Variants in CACNA1A observed in about 807,000 individuals in gnomAD.
CACNA1A encodes voltage-dependent P/Q-type calcium channel subunit alpha-1A.
CACNA1A carries 57 observed loss-of-function variants against 262.4 expected under a neutral mutation model. The ratio of observed to expected loss-of-function variants is 0.22; its 90% confidence interval spans 0.18 to 0.27. The LOEUF (loss-of-function observed/expected upper bound fraction) is 0.27, where lower values mean the gene tolerates loss of function less well. CACNA1A is among the 10% of genes least tolerant of loss of function. The pLI is 1.00. For missense variants in CACNA1A, 2,526 were observed against 3,562.8 expected (o/e 0.71, Z 7.41); for synonymous variants, 1,431 against 1,419.3 (o/e 1.01, Z -0.18).
chr19:13,237,884 G>A (rs763541340), intron 31 of CACNA1A, among the ~76,000 whole-genome samples: 27 of 152,180 alleles, frequency 1.8e-4, no homozygotes, highest in Non-Finnish European at 2.4e-4. Context: ...TTCATGGGGC[G>A]GATCATAACA....
At chr19:13,439,957 T>C (rs2060686507) in intron 3 of CACNA1A, among the ~76,000 whole-genome samples, 1 of 152,098 alleles carries the variant, frequency 6.6e-6, no homozygotes, top group South Asian at 2.1e-4. Context: ...TTGAGTTTTT[T>C]ATTAGTTTGT....
Position 13,506,123 on chromosome 19 carries a change from C to A in CACNA1A, c.102G>T (p.Gly34=). ...VVGSGGGRGA[G]GSRQGGQPGA... ...CGGGCTGCCCGCCCTGCCGGCTGCCCCCGGCTCCTCGCCCGCCTCCGCTGC... is the reference window on the plus strand; with the variant it reads ...CGGGCTGCCCGCCCTGCCGGCTGCCACCGGCTCCTCGCCCGCCTCCGCTGC... The change falls in exon 1 of 47, where the codon GGG becomes GGT. Residue 34 remains glycine (G), a synonymous_variant. Coordinates refer to ENST00000360228, the MANE Select transcript of CACNA1A (RefSeq NM_001127222.2). 1.2e-6 allele frequency: 2 copies of A among 1,606,638 alleles called. No individual in the cohort carries two copies. Among genetic ancestry groups the A allele is most frequent in the Non-Finnish European group, 1.7e-6 (2 of 1,176,766 alleles).
intron 30 of CACNA1A, among the ~76,000 whole-genome samples, chr19:13,247,616 C>T (rs1182085890): frequency 2.7e-5 from 4 of 149,478 alleles, no homozygotes; most frequent in South Asian, 2.1e-4. Context: ...AGGAGAATGG[C>T]GTGAACCTGG....
intron 34 of CACNA1A, among the ~76,000 whole-genome samples, chr19:13,232,401 A>G (rs1439808035): frequency 4.6e-5 from 7 of 151,628 alleles, no homozygotes; most frequent in Admixed American, 2.0e-4. Context: ...ATGGGGTTTC[A>G]CTGCATTGCT....
intron 6 of CACNA1A, among the ~76,000 whole-genome samples, chr19:13,350,224 C>CA (rs2058882166): frequency 6.6e-6 from 1 of 152,190 alleles, no homozygotes; most frequent in Admixed American, 6.5e-5. Flanking sequence ...CAGAGCCTCT[C>CA]AACCTCAGTA....
chr19:13,251,131 C>A (rs866834775), intron 30 of CACNA1A, among the ~76,000 whole-genome samples: 228 of 131,418 alleles, frequency 1.7e-3, no homozygotes, highest in South Asian at 2.7e-3. Context: ...GACTGTGTCT[C>A]AAAAAAAAAA....
intron 34 of CACNA1A, among the ~76,000 whole-genome samples, chr19:13,233,581 G>A (rs184375266): frequency 6.6e-6 from 1 of 152,206 alleles, no homozygotes; most frequent in Non-Finnish European, 1.5e-5. Flanking sequence ...TGGAACTCCT[G>A]GGCTCGAGCA....
At chr19:13,403,607 G>A (rs1200446520) in intron 3 of CACNA1A, among the ~76,000 whole-genome samples, 1 of 152,020 alleles carries the variant, frequency 6.6e-6, no homozygotes, top group African/African-American at 2.4e-5. Flanking sequence ...GTGTGGATAG[G>A]GCCAGGCTCA....
chr19:13,276,336 C>T (rs909874618), intron 23 of CACNA1A, among the ~76,000 whole-genome samples: 6 of 152,218 alleles, frequency 3.9e-5, no homozygotes, highest in African/African-American at 1.2e-4. Context: ...ATCCTGTCCC[C>T]GTCATCGCCC....
intron 3 of CACNA1A, among the ~76,000 whole-genome samples, chr19:13,402,060 G>C (rs2059908130): frequency 6.6e-6 from 1 of 152,178 alleles, no homozygotes; most frequent in Admixed American, 6.5e-5. Flanking sequence ...ATTGCAGCTG[G>C]TGTTAACTAA....
At chr19:13,232,314 G>C (rs949108909) in intron 34 of CACNA1A, among the ~76,000 whole-genome samples, 3 of 150,972 alleles carry the variant, frequency 2.0e-5, no homozygotes, top group Non-Finnish European at 1.5e-5. Flanking sequence ...CTCCCGCCTC[G>C]GCCTCCTGAG....
chr19:13,412,666 G>A (rs549773635), intron 3 of CACNA1A, among the ~76,000 whole-genome samples: 4 of 151,752 alleles, frequency 2.6e-5, no homozygotes, highest in East Asian at 1.9e-4. Context: ...CAGTAGAGAC[G>A]GGGTTTCACC....
intron 21 of CACNA1A, 45 bp from the exon 22 acceptor site, chr19:13,283,441 G>A: frequency 6.2e-7 from 1 of 1,611,686 alleles, no homozygotes; most frequent in Non-Finnish European, 8.5e-7. Flanking sequence ...CAGACCACAG[G>A]CTCACAAACC....
intron 6 of CACNA1A, among the ~76,000 whole-genome samples, chr19:13,353,552 T>C (rs2145220828): frequency 6.6e-6 from 1 of 152,290 alleles, no homozygotes; most frequent in South Asian, 2.1e-4. Context: ...ATTTAACTGA[T>C]CTCCTATTGT....
chr19:13,305,932 C>T (rs1330939678), intron 15 of CACNA1A, among the ~76,000 whole-genome samples: 1 of 150,664 alleles, frequency 6.6e-6, no homozygotes, highest in African/African-American at 2.5e-5. Context: ...TGGTAGTATG[C>T]ACCTGTAGTC....
Position 13,390,657 on chromosome 19 carries a change from AT to A in CACNA1A, c.540-18879del, listed in dbSNP as rs931203393. Among the ~76,000 whole-genome samples, 192 of 150,184 alleles carry A rather than the reference AT, an allele frequency of 1.3e-3. 1 individual carries two copies. In the Middle Eastern group the frequency reaches 0.017, roughly 13 times the overall value. On this transcript the variant is annotated intron_variant, in intron 3 of 46. Transcript: ENST00000360228. ...GCAGTTAGAAGTTAACCCCTGATCAATTTTTTTTTTATGATTCTATCCACTA... is the reference window on the plus strand; with the variant it reads ...GCAGTTAGAAGTTAACCCCTGATCAATTTTTTTTTATGATTCTATCCACTA...
chr19:13,499,934 A>C lies in CACNA1A; in HGVS notation c.293+5998T>G, dbSNP rs545287559. On this transcript the variant is annotated intron_variant, in intron 1 of 46. Coordinates refer to ENST00000360228, the MANE Select transcript of CACNA1A (RefSeq NM_001127222.2). The stretch of plus-strand genomic sequence containing the variant: ...GTGCTTTTTATTGCTGAGAAAGTGT[A>C]TATGTGTGCTTGCTACTGGGGGGGA... Among the ~76,000 whole-genome samples, 18 of 151,962 alleles carry C rather than the reference A, an allele frequency of 1.2e-4. No individual in the cohort carries two copies. The South Asian group carries it at 3.8e-3, about 32-fold the overall frequency.
At chr19:13,467,347 G>A (rs1488335637) in intron 1 of CACNA1A, among the ~76,000 whole-genome samples, 1 of 151,986 alleles carries the variant, frequency 6.6e-6, no homozygotes, top group Non-Finnish European at 1.5e-5. Flanking sequence ...CAGGCATGGT[G>A]GCTCACACCT....
At chr19:13,439,568 T>C (rs2060679327) in intron 3 of CACNA1A, among the ~76,000 whole-genome samples, 1 of 134,798 alleles carries the variant, frequency 7.4e-6, no homozygotes, top group East Asian at 3.3e-4. Flanking sequence ...CCTGGCTAAT[T>C]TTTTTTTTTT....
Sources: allele counts gnomAD v4.1 joint callset (sites outside exome capture counted in the v4.1 genomes callset), GRCh38; gene constraint gnomAD v4.1.1; transcripts MANE v1.5; gene names NCBI Gene and HGNC (gene_info 2026-07-23, HGNC 2026-07-21).